STK4: variants seen among roughly 807,000 people sequenced by gnomAD.
The protein encoded by STK4 is serine/threonine-protein kinase 4.
A neutral mutation model predicts 64.9 loss-of-function variants in STK4; 30 were observed. The ratio of observed to expected loss-of-function variants is 0.46; its 90% CI spans 0.35 to 0.63. STK4 has a LOEUF of 0.63. Ranked by LOEUF, STK4 falls within the 20% of genes least tolerant of loss-of-function variation. The pLI, the probability that STK4 is intolerant of heterozygous loss-of-function variation, is 0.01. For missense variants in STK4, 466 were observed against 598.5 expected (o/e 0.78, Z 2.31); for synonymous variants, 177 against 199.0 (o/e 0.89, Z 0.93).
intron 10 of STK4, among the ~76,000 whole-genome samples, chr20:45,053,435 A>C (rs1476521132): frequency 6.6e-6 from 1 of 152,142 alleles, no homozygotes; most frequent in East Asian, 1.9e-4. Context: ...CTTCTTCTTT[A>C]GCGTTCATTC....
At chr20:44,968,656 C>T (rs2067194709) in intron 1 of STK4, among the ~76,000 whole-genome samples, 1 of 152,192 alleles carries the variant, frequency 6.6e-6, no homozygotes, top group African/African-American at 2.4e-5. Context: ...AGTTTTGTTT[C>T]CCCCTTTGCC....
At chr20:44,996,782 G>T (rs956105366) in intron 6 of STK4, among the ~76,000 whole-genome samples, 1 of 152,066 alleles carries the variant, frequency 6.6e-6, no homozygotes, top group African/African-American at 2.4e-5. Context: ...GACATCTGGG[G>T]GTGGTAATAA....
At chr20:45,017,708 G>C (rs2068167599) in intron 9 of STK4, among the ~76,000 whole-genome samples, 1 of 152,184 alleles carries the variant, frequency 6.6e-6, no homozygotes, top group Non-Finnish European at 1.5e-5. Flanking sequence ...CAAGAACCAA[G>C]ATGTGGACCA....
chr20:45,077,154 T>G lies in STK4; in HGVS notation c.*1978T>G, dbSNP rs984023403. 2.0e-5 allele frequency: 3 copies of G among 152,200 alleles called. No individual in the cohort carries two copies. The highest frequency in any genetic ancestry group is 1.3e-4 in the Admixed American group (2 of 15,270). 9.4% of individuals were successfully genotyped at this position (152,200 alleles called of 1,614,324 possible). The stretch of plus-strand genomic sequence containing the variant: ...CAGCTAGTAAATGATAGAATCAGGA[T>G]TCATAGCATCACTATAGGGGGTCAA... On this transcript the variant is annotated 3_prime_UTR_variant, in exon 11 of 11. Transcript: ENST00000372806.
chr20:45,064,648 C>T (rs971732470), intron 10 of STK4, among the ~76,000 whole-genome samples: 3 of 151,832 alleles, frequency 2.0e-5, no homozygotes, highest in African/African-American at 7.3e-5. Context: ...CTTTCACTTC[C>T]CTGGTTAGCT....
intron 5 of STK4, among the ~76,000 whole-genome samples, chr20:44,989,984 C>T (rs2067602738): frequency 6.6e-6 from 1 of 152,110 alleles, no homozygotes; most frequent in Non-Finnish European, 1.5e-5. Context: ...TGTGAGTGTT[C>T]CAACTTTGTC....
intron 9 of STK4, among the ~76,000 whole-genome samples, chr20:45,011,769 G>T (rs1242239501): frequency 1.6e-5 from 2 of 126,212 alleles, no homozygotes; most frequent in Non-Finnish European, 3.3e-5. Flanking sequence ...TGGGAGCCAG[G>T]ACTAAGGCTT....
chr20:44,990,162 G>A (rs1392819653), intron 5 of STK4, among the ~76,000 whole-genome samples: 3 of 152,124 alleles, frequency 2.0e-5, no homozygotes, highest in Admixed American at 6.5e-5. Context: ...ATTGTCTTCC[G>A]ATCTATGAAT....
At chr20:45,050,583 A>T (rs2068762287) in intron 10 of STK4, among the ~76,000 whole-genome samples, 1 of 152,018 alleles carries the variant, frequency 6.6e-6, no homozygotes, top group African/African-American at 2.4e-5. Context: ...TTGTTGCTTT[A>T]TATTATTTAC....
At chr20:44,982,073 C>T in intron 4 of STK4, 130 bp downstream of exon 4, 1 of 549,074 alleles carries the variant, frequency 1.8e-6, no homozygotes, top group Non-Finnish European at 3.3e-6. Flanking sequence ...TGGTTATTTT[C>T]CATCTTTATT....
chr20:45,005,615 T>C (rs1601248575), intron 9 of STK4, among the ~76,000 whole-genome samples: 1 of 128,374 alleles, frequency 7.8e-6, no homozygotes, highest in Non-Finnish European at 1.5e-5. Flanking sequence ...GCCACTGCAC[T>C]CCAGCCTGGG....
chr20:45,005,283 C>T (rs1419512018), intron 9 of STK4, among the ~76,000 whole-genome samples: 1 of 152,150 alleles, frequency 6.6e-6, no homozygotes, highest in Admixed American at 6.5e-5. Flanking sequence ...AGACACTTCG[C>T]CTTTTTTTCA....
chr20:44,966,602 C>G lies in STK4; in HGVS notation c.34C>G (p.Arg12Gly). 1 of 1,272,926 alleles carries G rather than the reference C, an allele frequency of 7.9e-7. No individual in the cohort carries two copies. The highest frequency in any genetic ancestry group is 1.0e-6 in the Non-Finnish European group (1 of 1,001,112). The allele number at this position is 1,272,926 out of a possible 1,614,324, so 78.9% of individuals were successfully genotyped here. The change falls in exon 1 of 11, where the codon CGG becomes GGG. Residue 12 changes from arginine (R) to glycine (G), a missense_variant and splice_region_variant. Around this residue, in one of 2 missense-constraint regions of STK4, gnomAD observed 190 missense variants for 289.7 expected, o/e 0.66. Transcript: ENST00000372806. ...GGTACAGCTGAGGAACCCGCCGCGC[C>G]GGTGAGGGGCCACTGGCTAAGAGGA... ...ETVQLRNPPR[R>G]QLKKLDEDSL...
intron 9 of STK4, among the ~76,000 whole-genome samples, chr20:45,019,959 T>C (rs942121938): frequency 6.6e-6 from 1 of 152,180 alleles, no homozygotes; most frequent in African/African-American, 2.4e-5. Context: ...ATAAGGTTAC[T>C]GGGAAAATTA....
intron 9 of STK4, among the ~76,000 whole-genome samples, chr20:45,003,054 G>C (rs570259158): frequency 2.0e-5 from 3 of 152,134 alleles, no homozygotes; most frequent in Admixed American, 1.3e-4. Context: ...TCTTGCCCAG[G>C]TTAGCGTACA....
intron 8 of STK4, among the ~76,000 whole-genome samples, chr20:45,000,804 C>T (rs2067824254): frequency 6.6e-6 from 1 of 152,166 alleles, no homozygotes; most frequent in African/African-American, 2.4e-5. Flanking sequence ...TGGGACTTGG[C>T]TTTTCATATC....
At chr20:45,059,045 C>T (rs1213101915) in intron 10 of STK4, among the ~76,000 whole-genome samples, 1 of 152,120 alleles carries the variant, frequency 6.6e-6, no homozygotes, top group Admixed American at 6.6e-5. Context: ...TTCCAAGACC[C>T]CCCACTGGAC....
chr20:45,024,278 G>T (rs2145380469), intron 9 of STK4, among the ~76,000 whole-genome samples: 1 of 149,862 alleles, frequency 6.7e-6, no homozygotes, highest in East Asian at 2.0e-4. Context: ...GATAAACCCT[G>T]TTAACATTTT....
intron 10 of STK4, among the ~76,000 whole-genome samples, chr20:45,048,701 C>T (rs1410291305): frequency 6.6e-6 from 1 of 152,090 alleles, no homozygotes; most frequent in African/African-American, 2.4e-5. Flanking sequence ...AGGCTGGCCT[C>T]GAACTCCTGA....
Sources: gnomAD v4.1 joint callset for allele counts (sites outside exome capture counted in the v4.1 genomes callset) on GRCh38, gnomAD v4.1.1 for gene constraint, gnomAD v4.1.1 regional missense constraint, MANE v1.5 for transcripts, NCBI Gene and HGNC (gene_info 2026-07-23, HGNC 2026-07-21) for gene names.